C9orf152: variants seen among roughly 807,000 people sequenced by gnomAD.
The protein encoded by C9orf152 is chromosome 9 open reading frame 152, also known as uncharacterized protein C9orf152.
In C9orf152, 8 loss-of-function variants were observed where a neutral mutation model predicts 8.5. The ratio of observed to expected loss-of-function variants is 0.94; its 90% CI spans 0.55 to 1.70. The LOEUF is 1.70. Among genes scored for constraint, C9orf152 ranks in the 40% most tolerant of loss-of-function variants. The pLI is 0.00. For synonymous variants in C9orf152, 109 were observed against 113.0 expected (o/e 0.96, Z 0.22); for missense variants, 293 against 286.2 (o/e 1.02, Z -0.17).
In C9orf152 at chr9:110,201,362, C is replaced by T. The variant is rs1837218673; in HGVS notation, c.306G>A (p.Leu102=). 2.5e-6 allele frequency: 4 copies of T among 1,605,252 alleles called. No individual in the cohort carries two copies. Among genetic ancestry groups the T allele is most frequent in the Non-Finnish European group, 2.6e-6 (3 of 1,175,914 alleles). The change falls in exon 2 of 2, where the codon CTG becomes CTA. Residue 102 remains leucine (L), a synonymous_variant. Coordinates refer to ENST00000400613, the MANE Select transcript of C9orf152 (RefSeq NM_001012993.3). ...GAAGGCAGCCCTGGGCAGCCTCCTC[C>T]AGCCTCCCCTCCACCTCAGAATCTG... ...EEADSEVEGR[L]EEAAQGCLQA...
Position 110,201,125 on chromosome 9 carries a change from C to G in C9orf152, c.543G>C (p.Gln181His), listed in dbSNP as rs780933917. 2.0e-5 allele frequency: 32 copies of G among 1,614,112 alleles called. 1 individual carries two copies. In the South Asian group the frequency reaches 3.4e-4, roughly 17 times the overall value. ...GIPEAAQLPC[Q>H]VGNTQTKAVE... Reference sequence around the variant, plus strand: ...CTGCCTTTGTTTGGGTATTGCCCACCTGGCATGGAAGCTGGGCAGCCTCTG... The same window carrying G: ...CTGCCTTTGTTTGGGTATTGCCCACGTGGCATGGAAGCTGGGCAGCCTCTG... The change falls in exon 2 of 2, where the codon CAG becomes CAC. Residue 181 changes from glutamine (Q) to histidine (H), a missense_variant. Transcript: ENST00000400613.
At chr9:110,203,925 C>T (rs947115544) in intron 1 of C9orf152, among the ~76,000 whole-genome samples, 1 of 152,126 alleles carries the variant, frequency 6.6e-6, no homozygotes, top group Non-Finnish European at 1.5e-5. Flanking sequence ...TTCACCCTAA[C>T]TGCCTGAGAC....
In C9orf152 at chr9:110,207,615, G is replaced by A; in HGVS notation, c.-36C>T. On this transcript the variant is annotated 5_prime_UTR_variant, in exon 1 of 2. Transcript: ENST00000400613. Reference sequence around the variant, plus strand: ...GAGAAAAGCAAACACAGCTGGGTGGGGCAGGACCTGGGGAGGGGAGAGAGA... The same window carrying A: ...GAGAAAAGCAAACACAGCTGGGTGGAGCAGGACCTGGGGAGGGGAGAGAGA... 6.6e-7 allele frequency: 1 copy of A among 1,514,334 alleles called. No individual in the cohort carries two copies. The highest frequency in any genetic ancestry group is 8.8e-7 in the Non-Finnish European group (1 of 1,131,724). 93.8% of individuals were successfully genotyped at this position (1,514,334 alleles called of 1,614,324 possible). A position where few individuals can be genotyped will look rare whatever the true frequency, so the allele number is the denominator to read the frequency against.
intron 1 of C9orf152, among the ~76,000 whole-genome samples, chr9:110,202,295 C>G (rs537987431): frequency 6.6e-6 from 1 of 152,278 alleles, no homozygotes; most frequent in East Asian, 1.9e-4. Flanking sequence ...GTTGGCCAGG[C>G]TGGTCTTGAA....
intron 1 of C9orf152, 133 bp from the exon 2 acceptor site, chr9:110,201,607 T>G: frequency 1.7e-6 from 1 of 605,080 alleles, no homozygotes; most frequent in Non-Finnish European, 2.7e-6. Flanking sequence ...TGTGTGTACA[T>G]GTGTACACAC....
At chr9:110,203,534 C>G (rs1177787359) in intron 1 of C9orf152, among the ~76,000 whole-genome samples, 1 of 152,176 alleles carries the variant, frequency 6.6e-6, no homozygotes, top group Non-Finnish European at 1.5e-5. Flanking sequence ...AGGGACCCCA[C>G]CCCAGAGCAG....
chr9:110,204,905 T>C (rs979953595), intron 1 of C9orf152, among the ~76,000 whole-genome samples: 4 of 152,246 alleles, frequency 2.6e-5, no homozygotes, highest in African/African-American at 9.6e-5. Flanking sequence ...CTCAGCATAA[T>C]GTCCTCAAGT....
intron 1 of C9orf152, 28 bp downstream of exon 1, chr9:110,207,359 T>C: frequency 1.9e-6 from 3 of 1,601,350 alleles, no homozygotes; most frequent in Non-Finnish European, 8.5e-7. Flanking sequence ...GGTAAGTCTC[T>C]CCTTCCCCAG....
Position 110,200,869 on chromosome 9 carries a change from G to A in C9orf152, c.*79C>T, listed in dbSNP as rs532253304. 5.6e-5 allele frequency: 79 copies of A among 1,411,722 alleles called. No individual in the cohort carries two copies. Among genetic ancestry groups the A allele is most frequent in the African/African-American group, 4.9e-4 (34 of 69,600 alleles). 87.4% of individuals were successfully genotyped at this position (1,411,722 alleles called of 1,614,324 possible). A position where few individuals can be genotyped will look rare whatever the true frequency, so the allele number is the denominator to read the frequency against. On this transcript the variant is annotated 3_prime_UTR_variant, in exon 2 of 2. Coordinates refer to ENST00000400613, the MANE Select transcript of C9orf152 (RefSeq NM_001012993.3). ...GTTCTTGCTCATAGCTAGAGACCTC[G>A]TTGTGGCTCTGCCTCCTTGGTTCTT...
intron 1 of C9orf152, among the ~76,000 whole-genome samples, 175 bp downstream of exon 1, chr9:110,207,212 C>T (rs1303763240): frequency 6.6e-6 from 1 of 152,188 alleles, no homozygotes. Context: ...TTGGCTGAGG[C>T]CCCTGGCTCC....
In C9orf152 at chr9:110,207,415, G is replaced by C. The variant is rs1223616255; in HGVS notation, c.165C>G (p.Thr55=). The C allele has an allele frequency of 6.2e-7, 1 of 1,612,886 alleles. No individual in the cohort carries two copies. The highest frequency in any genetic ancestry group is 8.5e-7 in the Non-Finnish European group (1 of 1,179,440). ...TTGGAAGCACCAGGAGGTGGGCCTG[G>C]GTCCTCTGCTGCCTCTTCAAGCCTT... ...QYEGLKRQQR[T]QAHLLVLPKG... The change falls in exon 1 of 2, where the codon ACC becomes ACG. Residue 55 remains threonine, a synonymous_variant. Transcript: ENST00000400613.
Position 110,201,428 on chromosome 9 carries a change from C to T in C9orf152, c.240G>A (p.Trp80Ter). The change falls in exon 2 of 2, where the codon TGG becomes TGA. Residue 80 changes from tryptophan to a stop codon, truncating the protein, a stop_gained. Coordinates refer to ENST00000400613, the MANE Select transcript of C9orf152 (RefSeq NM_001012993.3). LOFTEE classifies it low-confidence loss of function (END_TRUNC). ...GTGAGCTTCTTCTCTCCTTGTTAATCCAAACAGCATTGACCATCGATTCTG... is the reference window on the plus strand; with the variant it reads ...GTGAGCTTCTTCTCTCCTTGTTAATTCAAACAGCATTGACCATCGATTCTG... ...APAESMVNAV[W>*]INKERRSSLS... 1 of 1,540,524 alleles carries T rather than the reference C, an allele frequency of 6.5e-7. No individual in the cohort carries two copies. Among genetic ancestry groups the T allele is most frequent in the East Asian group, 2.2e-5 (1 of 44,484 alleles).
In C9orf152 at chr9:110,207,799, G is replaced by A. The variant is rs1027415743; in HGVS notation, c.-220C>T. On this transcript the variant is annotated 5_prime_UTR_variant, in exon 1 of 2. Transcript: ENST00000400613. ...GAAATGTGGGGGAGGAGAAAGGTGG[G>A]AGACAGTGGCAGTAAGAGGAGAAGG... 5.9e-6 allele frequency: 3 copies of A among 507,970 alleles called. No individual in the cohort carries two copies. The highest frequency in any genetic ancestry group is 2.0e-5 in the African/African-American group (1 of 49,488). The allele number at this position is 507,970 out of a possible 1,614,324, so 31.5% of individuals were successfully genotyped here. A position where few individuals can be genotyped will look rare whatever the true frequency, so the allele number is the denominator to read the frequency against.
intron 1 of C9orf152, among the ~76,000 whole-genome samples, chr9:110,206,677 A>G (rs982408745): frequency 6.6e-6 from 1 of 152,186 alleles, no homozygotes; most frequent in Non-Finnish European, 1.5e-5. Context: ...CAGCCCAAAG[A>G]GTCTACTGAA....
intron 1 of C9orf152, among the ~76,000 whole-genome samples, chr9:110,204,345 T>A (rs1837252184): frequency 6.6e-6 from 1 of 152,194 alleles, no homozygotes; most frequent in Admixed American, 6.5e-5. Context: ...CATCGCATAA[T>A]GCTAAGACAG....
intron 1 of C9orf152, among the ~76,000 whole-genome samples, chr9:110,205,580 T>C (rs1289212300): frequency 6.6e-6 from 1 of 152,208 alleles, no homozygotes; most frequent in Non-Finnish European, 1.5e-5. Context: ...AATAACCCTA[T>C]GATTTGGGTA....
rs1304837108 is a variant in C9orf152 at position 110,199,902 on chromosome 9, C to CA, written c.*1045dup. The CA allele has an allele frequency of 1.3e-5, 2 of 152,210 alleles. No homozygotes were observed. Among genetic ancestry groups the CA allele is most frequent in the Non-Finnish European group, 2.9e-5 (2 of 68,044 alleles). 9.4% of individuals were successfully genotyped at this position (152,210 alleles called of 1,614,324 possible). ...GCTTTTTTCCCTATCACCCAAGTGA[C>CA]ACCTGCTTCGCTTTGTCTTAGGTTT... On this transcript the variant is annotated 3_prime_UTR_variant, in exon 2 of 2. Coordinates refer to ENST00000400613, the MANE Select transcript of C9orf152 (RefSeq NM_001012993.3).
rs551030478 is a variant in C9orf152, at chr9:110,207,454, C to T, written c.126G>A (p.Leu42=). 102 of 1,613,390 alleles carry T rather than the reference C, an allele frequency of 6.3e-5. 1 individual carries two copies. In the South Asian group the frequency reaches 8.7e-4, roughly 14 times the overall value. ...TCTTCAAGCCTTCATACTGGGCTCG[C>T]AGGAACTGGATGCTGAGTGGGGGCC... ...GKGPPLSIQF[L]RAQYEGLKRQ... The change falls in exon 1 of 2, where the codon CTG becomes CTA. Residue 42 remains leucine, a synonymous_variant. Coordinates refer to ENST00000400613, the MANE Select transcript of C9orf152 (RefSeq NM_001012993.3).
chr9:110,206,745 C>G (rs1319620481), intron 1 of C9orf152, among the ~76,000 whole-genome samples: 1 of 152,230 alleles, frequency 6.6e-6, no homozygotes, highest in Non-Finnish European at 1.5e-5. Context: ...AGGGTATCTT[C>G]CCTTCTCCCT....
Sources: allele counts gnomAD v4.1 joint callset (sites outside exome capture counted in the v4.1 genomes callset), GRCh38; gene constraint gnomAD v4.1.1; transcripts MANE v1.5; gene names NCBI Gene and HGNC (gene_info 2026-07-23, HGNC 2026-07-21).